TUSC3: variants seen among roughly 807,000 people sequenced by gnomAD.
The protein encoded by TUSC3 is tumor suppressor candidate 3, also known as dolichyl-diphosphooligosaccharide--protein glycosyltransferase subunit TUSC3.
TUSC3 carries 45 observed loss-of-function variants against 44.8 expected under a neutral mutation model. The observed-to-expected ratio is 1.00, with a 90% confidence interval of 0.79 to 1.29. The LOEUF is 1.29. TUSC3 is among the 50% of genes most tolerant of loss of function. TUSC3 has a pLI of 0.00. For synonymous variants in TUSC3, 212 were observed against 152.9 expected, an observed-to-expected ratio of 1.39 and a Z score of -2.85; for missense variants, 519 against 437.9, an observed-to-expected ratio of 1.19 and a Z score of -1.65.
At chr8:15,711,568 G>A (rs972038251) in intron 6 of TUSC3, among the ~76,000 whole-genome samples, 2 of 150,142 alleles carry the variant, frequency 1.3e-5, no homozygotes, top group Non-Finnish European at 3.0e-5. Flanking sequence ...AATGCCTTAA[G>A]CATTAAGATT....
At chr8:15,735,986 C>T (rs540723513) in intron 7 of TUSC3, among the ~76,000 whole-genome samples, 1 of 152,106 alleles carries the variant, frequency 6.6e-6, no homozygotes, top group South Asian at 2.1e-4. Flanking sequence ...CCTTGGCCTC[C>T]CAAAGTGCTG....
At chr8:15,727,357 C>T (rs1240600103) in intron 6 of TUSC3, among the ~76,000 whole-genome samples, 1 of 152,102 alleles carries the variant, frequency 6.6e-6, no homozygotes, top group Non-Finnish European at 1.5e-5. Flanking sequence ...CTTTGTTGCA[C>T]ATTAGTAGAC....
Position 15,743,572 on chromosome 8 carries a change from T to A in TUSC3, c.897T>A (p.Asn299Lys). The change falls in exon 8 of 11, where the codon AAT becomes AAA. Residue 299 changes from asparagine to lysine, a missense_variant. Physicochemically the swap from Asn to Lys is moderately conservative, Grantham distance 94 (BLOSUM62 0). Coordinates refer to ENST00000503731, the MANE Select transcript of TUSC3 (RefSeq NM_006765.4). ...TCACCATGGGGATGGTTCTTCTAAA[T>A]GAAGCAGCAACTTCGAAAGGCGATG... ...AAITMGMVLL[N>K]EAATSKGDVG... 3 of 1,613,966 alleles carry A rather than the reference T, an allele frequency of 1.9e-6. No individual in the cohort carries two copies. The highest frequency in any genetic ancestry group is 2.5e-6 in the Non-Finnish European group (3 of 1,179,848).
chr8:15,578,963 G>T (rs2129145973), intron 1 of TUSC3, among the ~76,000 whole-genome samples: 1 of 152,236 alleles, frequency 6.6e-6, no homozygotes, highest in Non-Finnish European at 1.5e-5. Flanking sequence ...TTTTTGGCTG[G>T]TAAGCTATTG....
intron 1 of TUSC3, among the ~76,000 whole-genome samples, chr8:15,574,558 T>G (rs559733536): frequency 1.3e-5 from 2 of 152,246 alleles, no homozygotes; most frequent in South Asian, 4.2e-4. Flanking sequence ...TAGATATTAT[T>G]TAGTAAAGCA....
rs149134915 is a variant in TUSC3, at chr8:15,643,918, G to A, written c.309-6779G>A. ...TGTCTATAGAATTTTTTTATTTGGG[G>A]TTTTATTATGGCATAAGTACAATTC... On this transcript the variant is annotated intron_variant, in intron 2 of 10. Coordinates refer to ENST00000503731, the MANE Select transcript of TUSC3 (RefSeq NM_006765.4). 5.1e-3 allele frequency among the ~76,000 whole-genome samples: 773 copies of A among 152,080 alleles called. 7 individuals carry two copies. Among genetic ancestry groups the A allele is most frequent in the African/African-American group, 0.018 (732 of 41,478 alleles).
chr8:15,641,953 T>C (rs1009827327), intron 2 of TUSC3, among the ~76,000 whole-genome samples: 1 of 152,222 alleles, frequency 6.6e-6, no homozygotes, highest in Non-Finnish European at 1.5e-5. Context: ...GTGGTGGTGG[T>C]AACATGAATG....
At chr8:15,723,165 A>T (rs182527136) in intron 6 of TUSC3, among the ~76,000 whole-genome samples, 17 of 152,272 alleles carry the variant, frequency 1.1e-4, no homozygotes, top group African/African-American at 3.6e-4. Flanking sequence ...ATAGGAAAAT[A>T]AAATTCTAAG....
chr8:15,541,665 T>C (rs1332491681), intron 1 of TUSC3, among the ~76,000 whole-genome samples: 1 of 152,180 alleles, frequency 6.6e-6, no homozygotes, highest in African/African-American at 2.4e-5. Flanking sequence ...AAGTAGGTCA[T>C]ATGAAATTAT....
intron 2 of TUSC3, among the ~76,000 whole-genome samples, chr8:15,510,400 A>G (rs1266644222): frequency 1.3e-5 from 2 of 152,178 alleles, no homozygotes; most frequent in Non-Finnish European, 2.9e-5. Flanking sequence ...ATCAGACATG[A>G]GAGCAATGAC....
chr8:15,827,078 G>A, the TUSC3 span, among the ~76,000 whole-genome samples: 1 of 152,084 alleles, frequency 6.6e-6, no homozygotes, highest in African/African-American at 2.4e-5. Flanking sequence ...TCTGACATTA[G>A]CATCCTATTT....
chr8:15,813,103 C>CA, the TUSC3 span, among the ~76,000 whole-genome samples: 39 of 150,862 alleles, frequency 2.6e-4, no homozygotes, highest in African/African-American at 2.9e-4. Context: ...CAAAAAAAGA[C>CA]AAAAAAAATA....
intron 6 of TUSC3, among the ~76,000 whole-genome samples, chr8:15,689,715 T>G (rs1808810770): frequency 6.6e-6 from 1 of 152,020 alleles, no homozygotes; most frequent in South Asian, 2.1e-4. Flanking sequence ...CTCTATTTGG[T>G]TTTCTCTTCC....
At chr8:15,830,765 A>T in the TUSC3 span, among the ~76,000 whole-genome samples, 2 of 152,200 alleles carry the variant, frequency 1.3e-5, no homozygotes. Context: ...AAAGGGAGGA[A>T]GGTGGAAGGG....
intron 1 of TUSC3, among the ~76,000 whole-genome samples, chr8:15,449,959 T>C (rs193115958): frequency 1.3e-5 from 2 of 152,268 alleles, no homozygotes; most frequent in Admixed American, 1.3e-4. Flanking sequence ...CTAGGAGCGA[T>C]AGGCTAGGCT....
chr8:15,527,643 G>C (rs978558804), intron 2 of TUSC3, among the ~76,000 whole-genome samples: 6 of 152,102 alleles, frequency 3.9e-5, no homozygotes, highest in African/African-American at 1.2e-4. Flanking sequence ...GGCCTCAAGG[G>C]AACCTCCCAT....
chr8:15,527,841 C>T (rs570940156), intron 2 of TUSC3, among the ~76,000 whole-genome samples: 5 of 152,346 alleles, frequency 3.3e-5, no homozygotes, highest in African/African-American at 1.2e-4. Context: ...CATTTTTAAA[C>T]ATTCCGTATA....
At position 15,502,514 on chromosome 8, in the gene TUSC3, G is replaced by A. The variant is rs375150030; in HGVS notation, n.189+19031G>A. ...GTTTGTTTGTTTGTTTGTTTGAGAC[G>A]GAGTCTCGCTCTGTCGCCTGGGCTG... On this transcript the variant is annotated intron_variant and non_coding_transcript_variant, in intron 2 of 5. Coordinates refer to the TUSC3 transcript ENST00000503191. Among the ~76,000 whole-genome samples the A allele has an allele frequency of 4.6e-5, 7 of 151,850 alleles. 1 individual carries two copies. The highest frequency in any genetic ancestry group is 1.5e-4 in the African/African-American group (6 of 41,210).
intron 1 of TUSC3, among the ~76,000 whole-genome samples, chr8:15,568,107 G>C (rs561702088): frequency 6.6e-6 from 1 of 152,248 alleles, no homozygotes; most frequent in South Asian, 2.1e-4. Context: ...GCCATTCTCT[G>C]AGATTTGTCC....
Sources: allele counts gnomAD v4.1 joint callset (sites outside exome capture counted in the v4.1 genomes callset), GRCh38; gene constraint gnomAD v4.1.1; transcripts MANE v1.5; gene names NCBI Gene and HGNC (gene_info 2026-07-23, HGNC 2026-07-21).